LRRFIP1: variants seen among roughly 807,000 people sequenced by gnomAD.
LRRFIP1 encodes the protein leucine-rich repeat flightless-interacting protein 1.
Under a neutral mutation model 104.4 loss-of-function variants are expected in LRRFIP1, and 62 were observed. The observed-to-expected ratio is 0.59, with a 90% CI of 0.48 to 0.73. LRRFIP1 has a LOEUF of 0.73. Ranked by LOEUF, LRRFIP1 falls within the 30% of genes least tolerant of loss-of-function variation. The pLI is 0.00. For synonymous variants in LRRFIP1, 300 were observed against 299.0 expected (o/e 1.00, Z -0.03); for missense variants, 796 against 824.5 (o/e 0.97, Z 0.42).
chr2:237,635,750 A>G (rs2082992168), intron 1 of LRRFIP1, among the ~76,000 whole-genome samples: 2 of 152,150 alleles, frequency 1.3e-5, no homozygotes, highest in South Asian at 4.1e-4. Flanking sequence ...GCTTAAGCCC[A>G]GGAGTTCAAG....
intron 1 of LRRFIP1, among the ~76,000 whole-genome samples, chr2:237,670,081 A>T (rs528291037): frequency 6.6e-6 from 1 of 152,336 alleles, no homozygotes; most frequent in Admixed American, 6.5e-5. Flanking sequence ...TTAGAAAGGA[A>T]AACGTAATGC....
chr2:237,708,263 T>G (rs2093910461), intron 1 of LRRFIP1, among the ~76,000 whole-genome samples: 1 of 152,228 alleles, frequency 6.6e-6, no homozygotes, highest in African/African-American at 2.4e-5. Context: ...ATGGTAACAG[T>G]CTCGGCCTAA....
At chr2:237,640,399 C>T (rs1340481072) in intron 1 of LRRFIP1, among the ~76,000 whole-genome samples, 1 of 151,956 alleles carries the variant, frequency 6.6e-6, no homozygotes, top group Non-Finnish European at 1.5e-5. Context: ...GATCTAGGTG[C>T]CGGCACATTC....
chr2:237,681,213 G>A (rs903396463), intron 1 of LRRFIP1, among the ~76,000 whole-genome samples: 7 of 152,140 alleles, frequency 4.6e-5, no homozygotes, highest in African/African-American at 1.7e-4. Flanking sequence ...TCCTTAACCT[G>A]CGTACTGTAA....
In LRRFIP1 at chr2:237,717,117, C is replaced by G. The variant is rs960519835; in HGVS notation, c.202-645C>G. On this transcript the variant is annotated intron_variant, in intron 3 of 23. Transcript: ENST00000308482. The surrounding 1 kb of genome is among the most constrained non-coding windows in gnomAD (Gnocchi z 4.2). Reference sequence around the variant, plus strand: ...TCCAAGGAAGCCAAAAGATTGGACACCCCTGAGCTAATGTCACCTCCAGAC... The same window carrying G: ...TCCAAGGAAGCCAAAAGATTGGACAGCCCTGAGCTAATGTCACCTCCAGAC... Among the ~76,000 whole-genome samples the G allele has an allele frequency of 1.3e-5, 2 of 152,102 alleles. No homozygotes were observed. The highest frequency in any genetic ancestry group is 1.3e-4 in the Admixed American group (2 of 15,272).
intron 1 of LRRFIP1, among the ~76,000 whole-genome samples, chr2:237,697,831 C>T (rs530926629): frequency 1.5e-4 from 23 of 149,514 alleles, no homozygotes; most frequent in African/African-American, 5.2e-4. Context: ...CTCTCAGTCC[C>T]GCACGTCTCT....
chr2:237,764,141 G>A (rs753299268), intron 19 of LRRFIP1: 2 of 1,614,024 alleles, frequency 1.2e-6, no homozygotes, highest in South Asian at 1.1e-5. Context: ...CATGTCCTAA[G>A]CTGAGGCAGG....
At chr2:237,653,883 C>T (rs2086350617) in intron 1 of LRRFIP1, among the ~76,000 whole-genome samples, 1 of 152,146 alleles carries the variant, frequency 6.6e-6, no homozygotes, top group Admixed American at 6.5e-5. Context: ...AAATGTAAGA[C>T]CTGAAACTAT....
At position 237,711,921 on chromosome 2, in the gene LRRFIP1, G is replaced by A. The variant is rs1451868358; in HGVS notation, c.184-2338G>A. Reference sequence around the variant, plus strand: ...AGCGCAGCACGCGTTCCTAACGGCGGCAACGGTGCCTTCATGAATTTCGGG... The same window carrying A: ...AGCGCAGCACGCGTTCCTAACGGCGACAACGGTGCCTTCATGAATTTCGGG... On this transcript the variant is annotated intron_variant, in intron 2 of 23. Transcript: ENST00000308482. This position sits in a 1 kb window ranked among gnomAD's most constrained non-coding sequence, Gnocchi z 4.4. 6.6e-6 allele frequency among the ~76,000 whole-genome samples: 1 copy of A among 152,256 alleles called. No individual in the cohort carries two copies. Among genetic ancestry groups the A allele is most frequent in the Non-Finnish European group, 1.5e-5 (1 of 68,056 alleles).
chr2:237,775,334 G>T (rs945437135), intron 23 of LRRFIP1, among the ~76,000 whole-genome samples: 14 of 152,340 alleles, frequency 9.2e-5, no homozygotes, highest in Middle Eastern at 3.4e-3. Flanking sequence ...TCGGGGCAAG[G>T]CACTGCCTTT....
chr2:237,663,419 G>C (rs2088456982), intron 1 of LRRFIP1, among the ~76,000 whole-genome samples: 1 of 60,680 alleles, frequency 1.6e-5, no homozygotes, highest in African/African-American at 4.3e-5. Flanking sequence ...ACAAACCCGG[G>C]GAGTTCTTTC....
At chr2:237,764,255 A>G (rs2060127054) in intron 19 of LRRFIP1, 1 of 1,601,560 alleles carries the variant, frequency 6.2e-7, no homozygotes, top group Non-Finnish European at 8.5e-7. Flanking sequence ...CTGTATGACA[A>G]TTACCAGGTG....
intron 11 of LRRFIP1, among the ~76,000 whole-genome samples, chr2:237,740,245 A>G (rs1220668077): frequency 6.7e-6 from 1 of 149,620 alleles, no homozygotes; most frequent in African/African-American, 2.5e-5. Flanking sequence ...CCATCTCTAA[A>G]CAGTAAAAAA....
In LRRFIP1 at chr2:237,703,428, G is replaced by C. The variant is rs2093638846; in HGVS notation, c.97-5116G>C. Among the ~76,000 whole-genome samples the C allele has an allele frequency of 1.3e-5, 2 of 152,136 alleles. No individual in the cohort carries two copies. Among genetic ancestry groups the C allele is most frequent in the Admixed American group, 1.3e-4 (2 of 15,278 alleles). On this transcript the variant is annotated intron_variant, in intron 1 of 23. Transcript: ENST00000308482. This position sits in a 1 kb window ranked among gnomAD's most constrained non-coding sequence, Gnocchi z 4.3. ...AGCCCTGTTTCTAAAACAAAAGTCA[G>C]ATTCCGCTGTGTTCTTAAAACCCTT...
At chr2:237,657,083 T>A (rs951712717) in intron 1 of LRRFIP1, among the ~76,000 whole-genome samples, 6 of 152,102 alleles carry the variant, frequency 3.9e-5, no homozygotes, top group African/African-American at 1.4e-4. Flanking sequence ...CTGGCGGTGG[T>A]AGGGGGCATC....
chr2:237,697,671 G>A (rs1378343749), intron 1 of LRRFIP1, among the ~76,000 whole-genome samples: 1 of 152,184 alleles, frequency 6.6e-6, no homozygotes, highest in Non-Finnish European at 1.5e-5. Flanking sequence ...CAATTTAAAT[G>A]TTTTTGTGAA....
At chr2:237,754,922 C>T (rs938919073) in intron 15 of LRRFIP1, among the ~76,000 whole-genome samples, 28 of 152,198 alleles carry the variant, frequency 1.8e-4, no homozygotes, top group Admixed American at 7.9e-4. Context: ...AATGCTGTCC[C>T]GAGATGGACA....
chr2:237,717,877 T>C lies in LRRFIP1; in HGVS notation c.249+68T>C. The C allele has an allele frequency of 8.7e-7, 1 of 1,147,412 alleles. No homozygotes were observed. 71.1% of individuals were successfully genotyped at this position (1,147,412 alleles called of 1,614,324 possible). On this transcript the variant is annotated intron_variant, in intron 4 of 23. Transcript: ENST00000308482. The surrounding 1 kb of genome is among the most constrained non-coding windows in gnomAD (Gnocchi z 4.2). ...CTTGAATACAGTGTTGAGACTTAAA[T>C]GGTTTATAATGTAATTCTTACGCAG...
At chr2:237,724,644 G>A (rs1443423083) in intron 7 of LRRFIP1, among the ~76,000 whole-genome samples, 1 of 152,152 alleles carries the variant, frequency 6.6e-6, no homozygotes, top group Admixed American at 6.5e-5. Context: ...CTGTGACACT[G>A]TAACTCCAGC....
Sources: gnomAD v4.1 joint callset for allele counts (sites outside exome capture counted in the v4.1 genomes callset) on GRCh38, gnomAD v4.1.1 for gene constraint, Gnocchi (gnomAD v3.1) non-coding constraint, MANE v1.5 for transcripts, NCBI Gene and HGNC (gene_info 2026-07-23, HGNC 2026-07-21) for gene names.